The following AP2A2 variants were observed in gnomAD, a reference collection of about 807,000 sequenced individuals.
AP2A2 encodes the protein AP-2 complex subunit alpha-2.
AP2A2 carries 32 observed loss-of-function variants against 104.2 expected under a neutral mutation model. The observed-to-expected ratio is 0.31, with a 90% CI of 0.23 to 0.41. AP2A2 has a LOEUF of 0.41. Ranked by LOEUF, AP2A2 falls within the 10% of genes least tolerant of loss-of-function variation. AP2A2 has a pLI of 1.00. For missense variants in AP2A2, 912 were observed against 1,261.0 expected (o/e 0.72, Z 4.19); for synonymous variants, 539 against 533.3 (o/e 1.01, Z -0.15).
intron 1 of AP2A2, chr11:933,592 T>C (rs541226479): frequency 2.6e-5 from 12 of 456,086 alleles, no homozygotes; most frequent in African/African-American, 2.0e-4. Context: ...ATAGAAGAAA[T>C]AGCATGTGAG....
chr11:991,034 G>A (rs1374262397), intron 10 of AP2A2, among the ~76,000 whole-genome samples: 1 of 148,576 alleles, frequency 6.7e-6, no homozygotes, highest in South Asian at 2.2e-4. Flanking sequence ...CTTTCAGCCG[G>A]GCACGATGCT....
intron 14 of AP2A2, chr11:996,324 G>C (rs1170094958): frequency 6.6e-6 from 1 of 152,284 alleles, no homozygotes; most frequent in South Asian, 2.1e-4. Flanking sequence ...AGTCTTCCAC[G>C]GAAACCTGGG....
At chr11:976,878 G>A (rs1006330690) in intron 4 of AP2A2, among the ~76,000 whole-genome samples, 4 of 152,224 alleles carry the variant, frequency 2.6e-5, no homozygotes, top group African/African-American at 9.6e-5. Context: ...GGTTTTGGTG[G>A]TGAGAAGGTT....
intron 17 of AP2A2, 75 bp from the exon 18 acceptor site, chr11:1,007,937 T>C (rs1856264254): frequency 4.5e-6 from 7 of 1,548,344 alleles, no homozygotes; most frequent in Non-Finnish European, 6.1e-6. Flanking sequence ...CCACGGGTCC[T>C]GCTGGGGCTC....
At chr11:949,323 G>A (rs932756153) in intron 1 of AP2A2, among the ~76,000 whole-genome samples, 1 of 151,956 alleles carries the variant, frequency 6.6e-6, no homozygotes, top group Non-Finnish European at 1.5e-5. Context: ...GGAAAAGTAG[G>A]AGGGCATACT....
intron 16 of AP2A2, 80 bp from the exon 17 acceptor site, chr11:1,006,448 G>A: frequency 1.0e-6 from 1 of 965,130 alleles, no homozygotes; most frequent in South Asian, 1.4e-5. Flanking sequence ...AAGATTGTGG[G>A]GGGCTCTTGT....
At chr11:948,703 C>CA (rs1456005728) in intron 1 of AP2A2, among the ~76,000 whole-genome samples, 1 of 151,640 alleles carries the variant, frequency 6.6e-6, no homozygotes, top group African/African-American at 2.4e-5. Context: ...CCCGTCTCTA[C>CA]AAAAAATATA....
rs1403501474 is a variant in AP2A2, at chr11:968,421, T to TCCGCCC, written c.137-1746_137-1741dup. Among the ~76,000 whole-genome samples the TCCGCCC allele has an allele frequency of 6.6e-6, 1 of 151,786 alleles. No homozygotes were observed. The highest frequency in any genetic ancestry group is 1.5e-5 in the Non-Finnish European group (1 of 67,946). On this transcript the variant is annotated intron_variant, in intron 2 of 21. Transcript: ENST00000448903. The surrounding 1 kb of genome is among the most constrained non-coding windows in gnomAD (Gnocchi z 4.2). ...CTCTCGGAGAGAGCCTGTCTCCGTC[T>TCCGCCC]CCGCCCCTGTTCCCATCCCCGTCTC...
intron 10 of AP2A2, among the ~76,000 whole-genome samples, chr11:991,026 T>C (rs1855633800): frequency 6.6e-6 from 1 of 151,648 alleles, no homozygotes; most frequent in Non-Finnish European, 1.5e-5. Flanking sequence ...CCTCCATCCT[T>C]TCAGCCGGGC....
chr11:1,000,028 G>C (rs561110574), intron 14 of AP2A2, among the ~76,000 whole-genome samples: 1 of 151,510 alleles, frequency 6.6e-6, no homozygotes, highest in Non-Finnish European at 1.5e-5. Context: ...GGGTGGTCTC[G>C]ATCTCCTGAC....
In AP2A2 at chr11:1,000,438, CCTT is replaced by C; in HGVS notation, c.1966_1968del (p.Ser656del). On this transcript the variant is annotated inframe_deletion, in exon 15 of 22. Transcript: ENST00000448903. ...CTCCTTCCTTCTCTTCCAGTCTACG[CCTT>C]CTCCGTCGGCAGACCTGCTGGGTCT... 3 of 1,544,212 alleles carry C rather than the reference CCTT, an allele frequency of 1.9e-6. No individual in the cohort carries two copies. Among genetic ancestry groups the C allele is most frequent in the Non-Finnish European group, 2.6e-6 (3 of 1,147,592 alleles).
chr11:976,113 C>G (rs1290019846), intron 4 of AP2A2, among the ~76,000 whole-genome samples: 1 of 152,176 alleles, frequency 6.6e-6, no homozygotes, highest in African/African-American at 2.4e-5. Context: ...TGGAACACAC[C>G]CCTGACGTGG....
intron 1 of AP2A2, among the ~76,000 whole-genome samples, chr11:930,263 A>C (rs1362040986): frequency 1.3e-5 from 2 of 152,058 alleles, no homozygotes; most frequent in Non-Finnish European, 2.9e-5. Context: ...CTCTTAGCAT[A>C]GGCAGCAATG....
chr11:1,010,449 C>G, intron 21 of AP2A2, 99 bp from the exon 22 acceptor site: 1 of 954,444 alleles, frequency 1.0e-6, no homozygotes, highest in Non-Finnish European at 1.6e-6. Context: ...AGAGAGTGGT[C>G]CCTGGGCATG....
intron 1 of AP2A2, among the ~76,000 whole-genome samples, chr11:935,169 T>C (rs1564779324): frequency 6.6e-6 from 1 of 151,184 alleles, no homozygotes; most frequent in Non-Finnish European, 1.5e-5. Context: ...TTCTCCTGCC[T>C]CAGCCTCCCG....
intron 15 of AP2A2, among the ~76,000 whole-genome samples, chr11:1,002,238 T>A (rs1220576060): frequency 6.6e-6 from 1 of 152,250 alleles, no homozygotes; most frequent in Admixed American, 6.5e-5. Flanking sequence ...CCGTGGCCCC[T>A]CGCGTGGAGT....
chr11:965,914 C>G (rs1235504637), intron 2 of AP2A2, among the ~76,000 whole-genome samples: 1 of 152,214 alleles, frequency 6.6e-6, no homozygotes, highest in East Asian at 1.9e-4. Context: ...GATCCTAACT[C>G]ACTGCAGCCT....
chr11:987,337 CT>C (rs1254729381), intron 9 of AP2A2, among the ~76,000 whole-genome samples: 1 of 152,158 alleles, frequency 6.6e-6, no homozygotes, highest in Non-Finnish European at 1.5e-5. Context: ...AGGAAACTCA[CT>C]TTGTTCGGGG....
intron 2 of AP2A2, among the ~76,000 whole-genome samples, chr11:965,405 G>A (rs904484389): frequency 3.3e-5 from 5 of 152,218 alleles, no homozygotes; most frequent in African/African-American, 1.2e-4. Flanking sequence ...AGTTGAAACC[G>A]TATTTGTTTG....
Sources: allele counts gnomAD v4.1 joint callset (sites outside exome capture counted in the v4.1 genomes callset), GRCh38; gene constraint gnomAD v4.1.1; non-coding constraint Gnocchi (gnomAD v3.1); transcripts MANE v1.5; gene names NCBI Gene and HGNC (gene_info 2026-07-23, HGNC 2026-07-21).